HOMER1: variants seen among roughly 807,000 people sequenced by gnomAD.
HOMER1 encodes homer protein homolog 1.
HOMER1 carries 3 observed loss-of-function variants against 48.9 expected under a neutral mutation model. That is an observed-to-expected ratio of 0.06 (90% CI 0.03 to 0.16). HOMER1 has a LOEUF of 0.16. Among genes scored for constraint, HOMER1 ranks in the 10% least tolerant of loss-of-function variants. The pLI is 1.00. For missense variants in HOMER1, 247 were observed against 411.4 expected (o/e 0.60, Z 3.46); for synonymous variants, 134 against 146.4 (o/e 0.92, Z 0.61).
intron 5 of HOMER1, among the ~76,000 whole-genome samples, chr5:79,432,237 C>T (rs1221264032): frequency 6.6e-6 from 1 of 152,192 alleles, no homozygotes; most frequent in African/African-American, 2.4e-5. Flanking sequence ...GTATCACCTA[C>T]CTCCCTTCCA....
chr5:79,379,029 G>A (rs1167115676), intron 8 of HOMER1, among the ~76,000 whole-genome samples: 1 of 130,264 alleles, frequency 7.7e-6, no homozygotes, highest in Non-Finnish European at 1.6e-5. Context: ...GGGGCCAAGA[G>A]GTAACAGAAG....
At chr5:79,402,626 C>G (rs915899429) in intron 5 of HOMER1, among the ~76,000 whole-genome samples, 39 of 152,090 alleles carry the variant, frequency 2.6e-4, no homozygotes, top group Non-Finnish European at 7.4e-5. Flanking sequence ...ATGACAGATA[C>G]AGTTATCTAC....
At chr5:79,379,457 TAATA>T (rs1423657999) in intron 8 of HOMER1, among the ~76,000 whole-genome samples, 2 of 114,796 alleles carry the variant, frequency 1.7e-5, no homozygotes, top group Non-Finnish European at 3.4e-5. Context: ...ATATAATATA[TAATA>T]TATATTTTAT....
At chr5:79,441,968 GGTGTGT>G (rs147719225) in intron 4 of HOMER1, among the ~76,000 whole-genome samples, 1 of 147,540 alleles carries the variant, frequency 6.8e-6, no homozygotes, top group Non-Finnish European at 1.5e-5. Flanking sequence ...TCTTTTTTGG[GGTGTGT>G]GTGTGTGTGT....
rs147525498 is a variant in HOMER1 at position 79,415,621 on chromosome 5, C to T, written c.528-13566G>A. Among the ~76,000 whole-genome samples the T allele has an allele frequency of 3.1e-4, 47 of 152,052 alleles. 1 individual carries two copies. The highest frequency in any genetic ancestry group is 1.1e-3 in the African/African-American group (46 of 41,468). On this transcript the variant is annotated intron_variant, in intron 5 of 8. Coordinates refer to ENST00000334082, the MANE Select transcript of HOMER1 (RefSeq NM_004272.5). ...TTGACGATATTTTTTCTTGGTGTATCGTAGATCAGATAAAATACAGAATTT... is the reference window on the plus strand; with the variant it reads ...TTGACGATATTTTTTCTTGGTGTATTGTAGATCAGATAAAATACAGAATTT...
chr5:79,510,992 A>G (rs997811287), intron 1 of HOMER1: 3 of 405,940 alleles, frequency 7.4e-6, no homozygotes, highest in Non-Finnish European at 1.3e-5. Flanking sequence ...CTCCTGTGCT[A>G]TTTGTACAAA....
intron 5 of HOMER1, among the ~76,000 whole-genome samples, chr5:79,418,880 G>A (rs550055822): frequency 3.9e-4 from 59 of 152,308 alleles, no homozygotes; most frequent in Non-Finnish European, 7.4e-4. Context: ...TGTTGAGAAT[G>A]CCACACAGAG....
chr5:79,499,348 A>C (rs777992943), intron 1 of HOMER1, among the ~76,000 whole-genome samples: 1 of 152,202 alleles, frequency 6.6e-6, no homozygotes, highest in Non-Finnish European at 1.5e-5. Flanking sequence ...TGAAAACTCT[A>C]TACCAAACAC....
At chr5:79,385,831 A>G (rs1353630037) in intron 8 of HOMER1, among the ~76,000 whole-genome samples, 1 of 128,804 alleles carries the variant, frequency 7.8e-6, no homozygotes, top group Non-Finnish European at 1.6e-5. Flanking sequence ...TGACAGAGCA[A>G]GACTCTGTCT....
At chr5:79,483,841 G>A (rs1177003249) in intron 1 of HOMER1, among the ~76,000 whole-genome samples, 1 of 151,608 alleles carries the variant, frequency 6.6e-6, no homozygotes, top group Admixed American at 6.6e-5. Context: ...GATCACCTGA[G>A]GTCAGGAGTT....
chr5:79,411,960 A>T (rs1749824623), intron 5 of HOMER1, among the ~76,000 whole-genome samples: 1 of 152,126 alleles, frequency 6.6e-6, no homozygotes, highest in African/African-American at 2.4e-5. Context: ...CGCTACTAAA[A>T]ATACAAAAAT....
At chr5:79,452,900 C>G (rs1029930978) in intron 2 of HOMER1, among the ~76,000 whole-genome samples, 1 of 152,154 alleles carries the variant, frequency 6.6e-6, no homozygotes, top group Non-Finnish European at 1.5e-5. Flanking sequence ...AATAACTGCT[C>G]TAACTTGAAT....
intron 1 of HOMER1, among the ~76,000 whole-genome samples, chr5:79,486,815 A>C (rs762338412): frequency 1.3e-5 from 2 of 152,252 alleles, no homozygotes; most frequent in Non-Finnish European, 2.9e-5. Flanking sequence ...TCAGTTTACA[A>C]GCAATGGAAC....
In HOMER1 at chr5:79,513,930, C is replaced by T. The variant is rs1753021161; in HGVS notation, c.-1156G>A. On this transcript the variant is annotated 5_prime_UTR_variant, in exon 1 of 9. Transcript: ENST00000334082. ...CACGCTCCGCGCCGCCGCCACGCGC[C>T]GCCTCACATTCCCCGGGCCCCGCCG... 1 of 155,872 alleles carries T rather than the reference C, an allele frequency of 6.4e-6. No individual in the cohort carries two copies. Among genetic ancestry groups the T allele is most frequent in the Non-Finnish European group, 1.4e-5 (1 of 70,376 alleles). The allele number at this position is 155,872 out of a possible 1,614,324, so 9.7% of individuals were successfully genotyped here.
intron 1 of HOMER1, among the ~76,000 whole-genome samples, chr5:79,471,836 G>A (rs930832110): frequency 6.6e-6 from 1 of 152,148 alleles, no homozygotes; most frequent in Non-Finnish European, 1.5e-5. Context: ...GCCAGGCACT[G>A]CCCCCATCAA....
rs560986591 is a variant in HOMER1, at chr5:79,486,923, A to G, written c.5+25847T>C. On this transcript the variant is annotated intron_variant, in intron 1 of 8. Transcript: ENST00000334082. ...AGAGAACGTATCAGAAGGCAATAACATTTGACAGCAAAGTACCCTTTGAGA... is the reference window on the plus strand; with the variant it reads ...AGAGAACGTATCAGAAGGCAATAACGTTTGACAGCAAAGTACCCTTTGAGA... Among the ~76,000 whole-genome samples, 31 of 152,366 alleles carry G rather than the reference A, an allele frequency of 2.0e-4. No individual in the cohort carries two copies. In the South Asian group the frequency reaches 2.5e-3, roughly 12 times the overall value.
chr5:79,385,691 A>C (rs1749091138), intron 8 of HOMER1, among the ~76,000 whole-genome samples: 1 of 151,986 alleles, frequency 6.6e-6, no homozygotes, highest in Admixed American at 6.6e-5. Flanking sequence ...AAAAATATAA[A>C]AATTAGCTAG....
At chr5:79,418,082 T>C (rs1251697750) in intron 5 of HOMER1, among the ~76,000 whole-genome samples, 3 of 152,236 alleles carry the variant, frequency 2.0e-5, no homozygotes, top group African/African-American at 7.2e-5. Flanking sequence ...GGATATAACA[T>C]CGAATTATTT....
chr5:79,438,465 T>C (rs1463475642), intron 5 of HOMER1, among the ~76,000 whole-genome samples: 1 of 152,226 alleles, frequency 6.6e-6, no homozygotes, highest in African/African-American at 2.4e-5. Context: ...TTATCTCCTG[T>C]TAGTTGGTGT....
Sources: gnomAD v4.1 joint callset for allele counts (sites outside exome capture counted in the v4.1 genomes callset) on GRCh38, gnomAD v4.1.1 for gene constraint, MANE v1.5 for transcripts, NCBI Gene and HGNC (gene_info 2026-07-23, HGNC 2026-07-21) for gene names.